KCNIP4: variants seen among roughly 807,000 people sequenced by gnomAD.
The protein encoded by KCNIP4 is potassium voltage-gated channel interacting protein 4, also known as Kv channel-interacting protein 4.
In KCNIP4, 12 loss-of-function variants were observed where a neutral mutation model predicts 34.0. The observed-to-expected ratio is 0.35, with a 90% confidence interval of 0.23 to 0.57. KCNIP4 has a LOEUF of 0.57. Among genes scored for constraint, KCNIP4 ranks in the 20% least tolerant of loss-of-function variants. KCNIP4 has a pLI of 0.83. For missense variants in KCNIP4, 238 were observed against 311.7 expected (o/e 0.76, Z 1.78); for synonymous variants, 124 against 102.2 (o/e 1.21, Z -1.29).
chr4:21,311,504 C>T (rs1328177151), intron 1 of KCNIP4, among the ~76,000 whole-genome samples: 1 of 152,102 alleles, frequency 6.6e-6, no homozygotes, highest in Non-Finnish European at 1.5e-5. Flanking sequence ...TCCTGGCCAA[C>T]ATGGTGAAAC....
intron 1 of KCNIP4, among the ~76,000 whole-genome samples, chr4:21,168,107 C>G (rs1753765344): frequency 6.6e-6 from 1 of 152,106 alleles, no homozygotes; most frequent in Admixed American, 6.6e-5. Flanking sequence ...TTCATTTGTA[C>G]TTTTTCTTCA....
intron 1 of KCNIP4, among the ~76,000 whole-genome samples, chr4:21,726,984 C>T (rs1715241852): frequency 6.6e-6 from 1 of 152,132 alleles, no homozygotes; most frequent in Non-Finnish European, 1.5e-5. Context: ...GGGGAATCTA[C>T]ATGTTTGGCA....
intron 1 of KCNIP4, among the ~76,000 whole-genome samples, chr4:21,198,818 T>G (rs1756253270): frequency 6.6e-6 from 1 of 152,184 alleles, no homozygotes. Flanking sequence ...TATAGGCCAA[T>G]TGTTCTGCAT....
chr4:21,478,717 TG>T (rs1731191342), intron 1 of KCNIP4, among the ~76,000 whole-genome samples: 1 of 152,192 alleles, frequency 6.6e-6, no homozygotes, highest in South Asian at 2.1e-4. Flanking sequence ...AATGCACTAA[TG>T]ATAAGCAGTA....
At chr4:20,963,904 T>C (rs1459259570) in intron 1 of KCNIP4, among the ~76,000 whole-genome samples, 2 of 151,826 alleles carry the variant, frequency 1.3e-5, no homozygotes, top group African/African-American at 2.4e-5. Context: ...GTAAAATATA[T>C]ATATAAAAAA....
chr4:21,117,618 A>T (rs1749805602), intron 1 of KCNIP4, among the ~76,000 whole-genome samples: 1 of 152,196 alleles, frequency 6.6e-6, no homozygotes, highest in African/African-American at 2.4e-5. Flanking sequence ...CAGATTCCGT[A>T]AATGACCAGC....
intron 1 of KCNIP4, among the ~76,000 whole-genome samples, chr4:21,014,719 C>G (rs189495840): frequency 1.3e-5 from 2 of 152,154 alleles, no homozygotes; most frequent in African/African-American, 2.4e-5. Flanking sequence ...GGGCCTCAAA[C>G]AGTTAAACGT....
At chr4:21,672,286 T>TAAAAC (rs1407999136) in intron 1 of KCNIP4, among the ~76,000 whole-genome samples, 1 of 152,144 alleles carries the variant, frequency 6.6e-6, no homozygotes, top group Non-Finnish European at 1.5e-5. Context: ...TATAATAATT[T>TAAAAC]AAAACAAAAC....
intron 1 of KCNIP4, among the ~76,000 whole-genome samples, chr4:21,171,581 A>G (rs1323832034): frequency 2.0e-5 from 3 of 152,200 alleles, no homozygotes; most frequent in Non-Finnish European, 2.9e-5. Flanking sequence ...TCCCTCTGTC[A>G]GAAGAATCCA....
At chr4:20,916,622 A>G (rs373295288) in intron 1 of KCNIP4, among the ~76,000 whole-genome samples, 77 of 152,240 alleles carry the variant, frequency 5.1e-4, no homozygotes, top group African/African-American at 1.7e-3. Context: ...ATCACAGCAC[A>G]TTCTGGATGG....
intron 1 of KCNIP4, among the ~76,000 whole-genome samples, chr4:20,947,705 G>A (rs1288221605): frequency 6.6e-6 from 1 of 152,202 alleles, no homozygotes; most frequent in Non-Finnish European, 1.5e-5. Flanking sequence ...TAAGGAGAAT[G>A]AATCATAACA....
At chr4:20,989,534 A>G (rs1736893010) in intron 1 of KCNIP4, among the ~76,000 whole-genome samples, 1 of 152,178 alleles carries the variant, frequency 6.6e-6, no homozygotes, top group African/African-American at 2.4e-5. Context: ...CTCTCAGTCA[A>G]TAGAAGCTAA....
chr4:21,006,036 G>A (rs1023435909), intron 1 of KCNIP4, among the ~76,000 whole-genome samples: 9 of 152,112 alleles, frequency 5.9e-5, no homozygotes, highest in African/African-American at 1.9e-4. Flanking sequence ...AAATGGAGGC[G>A]ATTGAAGCAC....
intron 1 of KCNIP4, among the ~76,000 whole-genome samples, chr4:21,256,604 GAA>G (rs974793143): frequency 4.0e-5 from 6 of 151,284 alleles, no homozygotes; most frequent in African/African-American, 1.5e-4. Flanking sequence ...CTCAAGAAAA[GAA>G]AAAAAAGAGA....
intron 1 of KCNIP4, among the ~76,000 whole-genome samples, chr4:21,888,605 G>A (rs974070808): frequency 6.6e-5 from 10 of 152,082 alleles, no homozygotes; most frequent in African/African-American, 1.2e-4. Context: ...GCCCTCAGGT[G>A]CAATCATGCC....
intron 1 of KCNIP4, among the ~76,000 whole-genome samples, chr4:21,265,640 T>C (rs1000031447): frequency 7.2e-5 from 11 of 152,146 alleles, no homozygotes; most frequent in Non-Finnish European, 1.5e-4. Context: ...CAGTAGTTCA[T>C]TTTGAATAAA....
At chr4:21,495,998 G>A (rs965099240) in intron 1 of KCNIP4, among the ~76,000 whole-genome samples, 9 of 152,184 alleles carry the variant, frequency 5.9e-5, no homozygotes, top group African/African-American at 2.2e-4. Context: ...GCCTTCAGCT[G>A]ATTTTGATGC....
chr4:20,824,410 G>A (rs1180845676), intron 3 of KCNIP4, among the ~76,000 whole-genome samples: 1 of 152,154 alleles, frequency 6.6e-6, no homozygotes, highest in Non-Finnish European at 1.5e-5. Flanking sequence ...GGCCAGGCGT[G>A]GTAGCTCATG....
At chr4:21,254,954 A>C (rs1760963171) in intron 1 of KCNIP4, among the ~76,000 whole-genome samples, 3 of 152,042 alleles carry the variant, frequency 2.0e-5, no homozygotes, top group Admixed American at 2.0e-4. Flanking sequence ...CCGTCCCCAG[A>C]CTCATCAACT....
Sources: allele counts gnomAD v4.1 joint callset (sites outside exome capture counted in the v4.1 genomes callset), GRCh38; gene constraint gnomAD v4.1.1; transcripts MANE v1.5; gene names NCBI Gene and HGNC (gene_info 2026-07-23, HGNC 2026-07-21).